MCMBP: variants seen among roughly 807,000 people sequenced by gnomAD.
MCMBP encodes the protein minichromosome maintenance complex binding protein.
In MCMBP, 31 loss-of-function variants were observed where a neutral mutation model predicts 81.3. That is an observed-to-expected ratio of 0.38 (90% CI 0.29 to 0.51). The LOEUF (loss-of-function observed/expected upper bound fraction) is 0.51, where lower values mean the gene tolerates loss of function less well. MCMBP is among the 20% of genes least tolerant of loss of function. The probability of loss-of-function intolerance (pLI) is 0.87; values close to 1 mark genes in which losing one functional copy is unlikely to be tolerated. For missense variants in MCMBP, 645 were observed against 772.1 expected (o/e 0.84, Z 1.95); for synonymous variants, 267 against 275.9 (o/e 0.97, Z 0.32).
At chr10:119,847,793 G>A in intron 7 of MCMBP, 80 bp from the exon 8 acceptor site, 4 of 720,428 alleles carry the variant, frequency 5.6e-6, no homozygotes, top group Non-Finnish European at 9.0e-6. Flanking sequence ...CCAATATCTT[G>A]GAATTTTAGA....
At chr10:119,862,304 T>TC (rs71482621) in intron 1 of MCMBP, among the ~76,000 whole-genome samples, 7 of 149,760 alleles carry the variant, frequency 4.7e-5, no homozygotes, top group South Asian at 4.2e-4. Context: ...TGAATCTTCG[T>TC]CCCCCCCCAC....
In MCMBP at chr10:119,843,368, C is replaced by T; in HGVS notation, c.886G>A (p.Val296Ile). 1 of 1,614,078 alleles carries T rather than the reference C, an allele frequency of 6.2e-7. No individual in the cohort carries two copies. The highest frequency in any genetic ancestry group is 1.3e-5 in the African/African-American group (1 of 75,048). ...ECTDTAEEQR[V>I]HSPPASLVPR... The stretch of plus-strand genomic sequence containing the variant: ...ACTAATGAAGCAGGAGGACTGTGTA[C>T]TCTCTGCTCCTCTGCTGTGTCTGTG... Residue 296 changes from valine (V) to isoleucine (I), a missense_variant, in exon 9 of 16, where the codon GTA (valine) becomes ATA (isoleucine). Val to Ile is a conservative substitution (Grantham distance 29). Transcript: ENST00000369077.
chr10:119,841,593 T>G (rs1336202323), intron 10 of MCMBP, among the ~76,000 whole-genome samples: 1 of 152,142 alleles, frequency 6.6e-6, no homozygotes, highest in East Asian at 1.9e-4. Flanking sequence ...GTGCTTAGAG[T>G]GTAACTAAGA....
intron 5 of MCMBP, among the ~76,000 whole-genome samples, 188 bp from the exon 6 acceptor site, chr10:119,853,382 T>G (rs570087100): frequency 5.9e-5 from 9 of 152,370 alleles, no homozygotes; most frequent in African/African-American, 2.2e-4. Flanking sequence ...GCTGCTATCC[T>G]TGCTGTAAAC....
rs1225927803 is a variant in MCMBP at position 119,829,696 on chromosome 10, GCTCT to G, written c.*1774_*1777del. 1 of 152,220 alleles carries G rather than the reference GCTCT, an allele frequency of 6.6e-6. No homozygotes were observed. The highest frequency in any genetic ancestry group is 1.5e-5 in the Non-Finnish European group (1 of 68,054). The allele number at this position is 152,220 out of a possible 1,614,324, so 9.4% of individuals were successfully genotyped here. A position where few individuals can be genotyped will look rare whatever the true frequency, so the allele number is the denominator to read the frequency against. On this transcript the variant is annotated 3_prime_UTR_variant, in exon 16 of 16. Transcript: ENST00000369077. ...GCACCACCTCCTCCACTTCAGTTCA[GCTCT>G]CTCATGTCTTCCACCAAGAGGACAT...
At position 119,859,940 on chromosome 10, in the gene MCMBP, C is replaced by T. The variant is rs548505124; in HGVS notation, c.59-56G>A. On this transcript the variant is annotated intron_variant, in intron 1 of 15. Coordinates refer to ENST00000369077, the MANE Select transcript of MCMBP (RefSeq NM_001256378.2). Reference sequence around the variant, plus strand: ...TGTACATGCAATATATAATAAAAGACTATGATCAGGTGAGTCACACAATAG... The same window carrying T: ...TGTACATGCAATATATAATAAAAGATTATGATCAGGTGAGTCACACAATAG... 9.1e-6 allele frequency: 12 copies of T among 1,316,506 alleles called. No homozygotes were observed. In the East Asian group the frequency reaches 2.3e-4, roughly 25 times the overall value. 81.6% of individuals were successfully genotyped at this position (1,316,506 alleles called of 1,614,324 possible). A position where few individuals can be genotyped will look rare whatever the true frequency, so the allele number is the denominator to read the frequency against.
chr10:119,863,506 C>G (rs1219378971), intron 1 of MCMBP, among the ~76,000 whole-genome samples: 2 of 151,388 alleles, frequency 1.3e-5, no homozygotes, highest in Non-Finnish European at 2.9e-5. Context: ...CCGAGGCGGG[C>G]GGATCACCTG....
chr10:119,847,783 C>A, intron 7 of MCMBP, 70 bp from the exon 8 acceptor site: 1 of 819,632 alleles, frequency 1.2e-6, no homozygotes, highest in Non-Finnish European at 1.9e-6. Context: ...TCTTGAAGTA[C>A]CAATATCTTG....
At chr10:119,872,852 A>G (rs1370583880), upstream of MCMBP, 1 of 158,344 alleles carries the variant, frequency 6.3e-6, no homozygotes, top group Admixed American at 6.5e-5. Context: ...ATGGCGGGAA[A>G]TAGCCGCCGC....
chr10:119,858,861 T>G (rs374270273), intron 4 of MCMBP, 23 bp downstream of exon 4: 3 of 1,536,582 alleles, frequency 2.0e-6, no homozygotes, highest in Non-Finnish European at 2.7e-6. Flanking sequence ...TAAAAATGTT[T>G]CATATATATT....
Position 119,836,909 on chromosome 10 carries a change from C to G in MCMBP, c.1529G>C (p.Arg510Thr). The change falls in exon 13 of 16, where the codon AGG (arginine) becomes ACG (threonine). Residue 510 changes from arginine to threonine, a missense_variant. Arg to Thr is a moderately conservative substitution (Grantham distance 71, BLOSUM62 -1). Coordinates refer to ENST00000369077, the MANE Select transcript of MCMBP (RefSeq NM_001256378.2). ...GACTCATCATACCGGGAGGAGTGAC[C>G]TCCCCTCCGAAGTAATGAAAACGTT... ...NINVFITSEG[R>T]SLLPADCQIH... 1 of 1,610,542 alleles carries G rather than the reference C, an allele frequency of 6.2e-7. No individual in the cohort carries two copies.
At chr10:119,839,312 C>T (rs987711222) in intron 11 of MCMBP, among the ~76,000 whole-genome samples, 2 of 152,176 alleles carry the variant, frequency 1.3e-5, no homozygotes, top group African/African-American at 4.8e-5. Flanking sequence ...ATTCCCAACA[C>T]CCTCTGTGCT....
At chr10:119,842,036 G>A (rs1214262593) in intron 10 of MCMBP, among the ~76,000 whole-genome samples, 2 of 152,194 alleles carry the variant, frequency 1.3e-5, no homozygotes, top group Non-Finnish European at 2.9e-5. Flanking sequence ...TCCGCCTCCT[G>A]TCAGATCAGC....
intron 7 of MCMBP, among the ~76,000 whole-genome samples, chr10:119,849,021 T>C (rs1346041896): frequency 1.3e-5 from 2 of 152,206 alleles, no homozygotes; most frequent in African/African-American, 4.8e-5. Context: ...TATCCTCGAT[T>C]AACTGGCTGG....
chr10:119,862,920 C>T (rs61869101), intron 1 of MCMBP, among the ~76,000 whole-genome samples: 16,243 of 152,270 alleles, frequency 0.11, 917 homozygotes, highest in South Asian at 0.17. Flanking sequence ...GAACTCTTCT[C>T]AGGGGGATAT....
chr10:119,859,275 TACACACAC>T (rs34034506), intron 2 of MCMBP, 94 bp from the exon 3 acceptor site: 67,958 of 615,050 alleles, frequency 0.11, 2,811 homozygotes, highest in South Asian at 0.16. Context: ...CTCAAACTGT[TACACACAC>T]ACACACACAC....
intron 13 of MCMBP, among the ~76,000 whole-genome samples, chr10:119,836,497 C>T (rs1180533932): frequency 1.3e-5 from 2 of 152,070 alleles, no homozygotes. Flanking sequence ...ATGAAAATAA[C>T]TACCAAGTGA....
rs576495201 is a variant in MCMBP, at chr10:119,853,088, T to C, written c.536A>G (p.Asn179Ser). 21 of 1,614,088 alleles carry C rather than the reference T, an allele frequency of 1.3e-5. No homozygotes were observed. The highest frequency in any genetic ancestry group is 1.6e-4 in the Middle Eastern group (1 of 6,084). Reference protein sequence around the residue: ...EDDDDMDLQPNKQKDQHAGAR... With the variant: ...EDDDDMDLQPSKQKDQHAGAR... The stretch of plus-strand genomic sequence containing the variant: ...ACCTGCATGTTGGTCTTTCTGCTTA[T>C]TGGGCTGTAGGTCCATATCGTCATC... Residue 179 changes from asparagine to serine, a missense_variant, in exon 6 of 16, where the codon AAT becomes AGT. Coordinates refer to ENST00000369077, the MANE Select transcript of MCMBP (RefSeq NM_001256378.2).
intron 6 of MCMBP, among the ~76,000 whole-genome samples, chr10:119,851,119 C>T (rs985444014): frequency 3.9e-5 from 6 of 151,946 alleles, no homozygotes; most frequent in Non-Finnish European, 8.8e-5. Flanking sequence ...GTGCCTGCCT[C>T]GGCCTCCTGA....
Sources: allele counts gnomAD v4.1 joint callset (sites outside exome capture counted in the v4.1 genomes callset), GRCh38; gene constraint gnomAD v4.1.1; transcripts MANE v1.5; gene names NCBI Gene and HGNC (gene_info 2026-07-23, HGNC 2026-07-21).